FREM2: variants seen among roughly 807,000 people sequenced by gnomAD.
FREM2 encodes FRAS1 related extracellular matrix 2, also known as FRAS1-related extracellular matrix protein 2.
A neutral mutation model predicts 219.9 loss-of-function variants in FREM2; 119 were observed. The observed-to-expected ratio is 0.54, with a 90% confidence interval of 0.47 to 0.63. The LOEUF (loss-of-function observed/expected upper bound fraction) is 0.63. Among genes scored for constraint, FREM2 ranks in the 30% least tolerant of loss-of-function variants. The probability of loss-of-function intolerance (pLI) is 0.00; values close to 1 mark genes in which losing one functional copy is unlikely to be tolerated. For missense variants in FREM2, 4,030 were observed against 3,993.6 expected (o/e 1.01, Z -0.25); for synonymous variants, 1,562 against 1,522.8 (o/e 1.03, Z -0.60).
chr13:38,864,372 C>T lies in FREM2; in HGVS notation c.7749C>T (p.Leu2583=), dbSNP rs757984412. The change falls in exon 16 of 24, where the codon CTC becomes CTT. Residue 2583 remains leucine (L), a synonymous_variant. Coordinates refer to ENST00000280481, the MANE Select transcript of FREM2 (RefSeq NM_207361.6). The stretch of plus-strand genomic sequence containing the variant: ...TTGGAAACCACAAGTGCTCCAACCT[C>T]CTGGATTATACTGAAGTGAAGACTC... ...TRVGNHKCSN[L]LDYTEVKTHY... 6.2e-7 allele frequency: 1 copy of T among 1,614,184 alleles called. No individual in the cohort carries two copies. Among genetic ancestry groups the T allele is most frequent in the Non-Finnish European group, 8.5e-7 (1 of 1,180,000 alleles).
chr13:38,733,199 G>T (rs1209799651), intron 2 of FREM2, among the ~76,000 whole-genome samples: 1 of 152,088 alleles, frequency 6.6e-6, no homozygotes, highest in African/African-American at 2.4e-5. Context: ...GAAACTATCA[G>T]TTTCTAAGAG....
intron 6 of FREM2, among the ~76,000 whole-genome samples, chr13:38,785,636 C>T (rs943226209): frequency 8.5e-5 from 13 of 152,170 alleles, no homozygotes; most frequent in African/African-American, 3.1e-4. Flanking sequence ...TGAAAATAAT[C>T]TACCAGGAAA....
At chr13:38,859,255 C>T in intron 13 of FREM2, 32 bp from the exon 14 acceptor site, 1 of 1,602,200 alleles carries the variant, frequency 6.2e-7, no homozygotes, top group Non-Finnish European at 8.6e-7. Flanking sequence ...GTTCTACACT[C>T]TGTTCCTAAC....
intron 6 of FREM2, among the ~76,000 whole-genome samples, chr13:38,846,272 A>G (rs1306199110): frequency 6.6e-6 from 1 of 152,142 alleles, no homozygotes; most frequent in Non-Finnish European, 1.5e-5. Context: ...TTTTCCAACT[A>G]AGCTTCCAGA....
chr13:38,759,259 C>G (rs190789487), intron 2 of FREM2, among the ~76,000 whole-genome samples: 13 of 152,182 alleles, frequency 8.5e-5, no homozygotes, highest in Admixed American at 3.9e-4. Context: ...ACAATATTTT[C>G]TATTTGTAAC....
At position 38,764,319 on chromosome 13, in the gene FREM2, C is replaced by A; in HGVS notation, c.5279C>A (p.Thr1760Lys). The change falls in exon 3 of 24, where the codon ACG (threonine) becomes AAG (lysine). Residue 1760 changes from threonine to lysine, a missense_variant. By Grantham distance (78) the Thr-to-Lys change is moderately conservative. Transcript: ENST00000280481. ...TATTTTCAAGGTGGAAACAAGTTAA[C>A]GTACCAGAATTTTCGTCTGAATTGG... is the stretch of plus-strand genomic sequence containing the variant. ...AVEDGGGNKL[T>K]YQNFRLNWAW... is the part of the protein sequence containing the mutation. The A allele has an allele frequency of 4.3e-6, 7 of 1,611,700 alleles. No homozygotes were observed. The highest frequency in any genetic ancestry group is 5.1e-6 in the Non-Finnish European group (6 of 1,178,060).
chr13:38,688,477 T>C lies in FREM2; in HGVS notation c.1133T>C (p.Leu378Pro), dbSNP rs1465185483. ...TTGGTGAGCACCGATGATCGCAGCC[T>C]GCCCCTTTCCTCCTTCACTCAGAGG... ...GYLVSTDDRS[L>P]PLSSFTQRDL... is the part of the protein sequence containing the mutation. Residue 378 changes from leucine to proline, a missense_variant, in exon 1 of 24, where the codon CTG becomes CCG. Leu to Pro is a moderately conservative substitution (Grantham distance 98, BLOSUM62 -3). Around this residue, in one of 2 missense-constraint regions of FREM2, gnomAD observed 3,102 missense variants for 2,950.7 expected, o/e 1.05. Coordinates refer to ENST00000280481, the MANE Select transcript of FREM2 (RefSeq NM_207361.6). 6.2e-7 allele frequency: 1 copy of C among 1,614,068 alleles called. No individual in the cohort carries two copies. Among genetic ancestry groups the C allele is most frequent in the Non-Finnish European group, 8.5e-7 (1 of 1,180,038 alleles).
intron 16 of FREM2, 115 bp downstream of exon 16, chr13:38,864,721 T>G (rs1877896437): frequency 2.2e-6 from 2 of 908,624 alleles, no homozygotes; most frequent in South Asian, 2.8e-5. Context: ...TGTAGGTAAT[T>G]ATTGACAGCA....
At chr13:38,770,031 AT>A (rs1298435830) in intron 4 of FREM2, among the ~76,000 whole-genome samples, 1 of 148,026 alleles carries the variant, frequency 6.8e-6, no homozygotes, top group African/African-American at 2.4e-5. Flanking sequence ...ATATATAAAT[AT>A]TTATATAGTA....
chr13:38,731,933 A>G (rs1400105816), intron 2 of FREM2, among the ~76,000 whole-genome samples: 2 of 152,240 alleles, frequency 1.3e-5, no homozygotes, highest in Non-Finnish European at 1.5e-5. Flanking sequence ...CCCATGAATG[A>G]ACAGCATTTG....
intron 2 of FREM2, among the ~76,000 whole-genome samples, chr13:38,738,673 G>C (rs1872107379): frequency 6.6e-6 from 1 of 151,714 alleles, no homozygotes; most frequent in Non-Finnish European, 1.5e-5. Flanking sequence ...AGATTTTAGA[G>C]TGATCTATGA....
intron 2 of FREM2, among the ~76,000 whole-genome samples, chr13:38,744,485 T>TTTA (rs901717235): frequency 2.0e-4 from 31 of 151,764 alleles, no homozygotes; most frequent in Middle Eastern, 3.4e-3. Context: ...CTCCAATTAT[T>TTTA]TTATTATTAT....
rs567903390 is a variant in FREM2 at position 38,689,850 on chromosome 13, G to A, written c.2506G>A (p.Gly836Ser). The A allele has an allele frequency of 5.0e-6, 8 of 1,614,116 alleles. No individual in the cohort carries two copies. The highest frequency in any genetic ancestry group is 3.3e-5 in the South Asian group (3 of 91,084). ...DNQPPEILNT[G>S]FTIQEKGHHI... ...CCAGCCACCTGAGATCCTCAACACC[G>A]GCTTCACTATTCAGGAGAAGGGTCA... Residue 836 changes from glycine to serine, a missense_variant, in exon 1 of 24, where the codon GGC (glycine) becomes AGC (serine). Gly to Ser is a moderately conservative substitution (Grantham distance 56). This residue lies in a region of FREM2 where 3,102 missense variants were observed against 2,950.7 expected (regional missense o/e 1.05). Transcript: ENST00000280481.
At chr13:38,779,894 C>T (rs1438685824) in intron 4 of FREM2, among the ~76,000 whole-genome samples, 3 of 152,134 alleles carry the variant, frequency 2.0e-5, no homozygotes, top group South Asian at 2.1e-4. Context: ...AACTGGCCTC[C>T]GGGGCCCACA....
intron 2 of FREM2, among the ~76,000 whole-genome samples, chr13:38,712,143 C>T (rs1298954435): frequency 6.6e-6 from 1 of 151,900 alleles, no homozygotes; most frequent in African/African-American, 2.4e-5. Flanking sequence ...ATCCACCTGC[C>T]TCGGCCCCCC....
chr13:38,790,487 A>G (rs1874517123), intron 6 of FREM2, among the ~76,000 whole-genome samples: 1 of 152,162 alleles, frequency 6.6e-6, no homozygotes, highest in Admixed American at 6.5e-5. Flanking sequence ...ATCCTTCAAA[A>G]TATTGCTGTT....
chr13:38,728,327 G>A (rs1162441924), intron 2 of FREM2, among the ~76,000 whole-genome samples: 19 of 152,136 alleles, frequency 1.2e-4, no homozygotes, highest in Admixed American at 1.2e-3. Flanking sequence ...ATGAGCGTGA[G>A]CTTTGTTGTT....
Position 38,687,476 on chromosome 13 carries a change from C to G in FREM2, c.132C>G (p.Val44=). The change falls in exon 1 of 24, where the codon GTC becomes GTG. Residue 44 remains valine (V), a synonymous_variant. Coordinates refer to ENST00000280481, the MANE Select transcript of FREM2 (RefSeq NM_207361.6). ...LLLLLSLVSR[V]PAQPAAFGRA... is the part of the protein sequence containing the mutation. ...TTCTCCTGTCACTGGTAAGCCGCGTCCCGGCACAGCCCGCTGCCTTCGGCA... is the reference window on the plus strand; with the variant it reads ...TTCTCCTGTCACTGGTAAGCCGCGTGCCGGCACAGCCCGCTGCCTTCGGCA... 1 of 1,591,016 alleles carries G rather than the reference C, an allele frequency of 6.3e-7. No individual in the cohort carries two copies. Among genetic ancestry groups the G allele is most frequent in the Non-Finnish European group, 8.6e-7 (1 of 1,169,434 alleles).
At chr13:38,876,439 T>G in intron 20 of FREM2, 57 bp downstream of exon 20, 1 of 1,460,170 alleles carries the variant, frequency 6.8e-7, no homozygotes, top group Non-Finnish European at 9.4e-7. Flanking sequence ...TGTTTTTCAT[T>G]TATTAGTAAA....
Sources: allele counts gnomAD v4.1 joint callset (sites outside exome capture counted in the v4.1 genomes callset), GRCh38; gene constraint gnomAD v4.1.1; regional missense constraint gnomAD v4.1.1; transcripts MANE v1.5; gene names NCBI Gene and HGNC (gene_info 2026-07-23, HGNC 2026-07-21).